The following RUBCN variants were observed in gnomAD, a reference collection of about 807,000 sequenced individuals.
The protein encoded by RUBCN is rubicon autophagy regulator, also known as run domain Beclin-1-interacting and cysteine-rich domain-containing protein.
A neutral mutation model predicts 113.2 loss-of-function variants in RUBCN; 74 were observed. The observed-to-expected ratio is 0.65, with a 90% CI of 0.54 to 0.79. The LOEUF (loss-of-function observed/expected upper bound fraction) is 0.79, where lower values mean the gene tolerates loss of function less well. Among genes scored for constraint, RUBCN ranks in the 30% least tolerant of loss-of-function variants. RUBCN has a pLI of 0.00. For synonymous variants in RUBCN, 480 were observed against 490.0 expected (o/e 0.98, Z 0.27); for missense variants, 1,109 against 1,251.7 (o/e 0.89, Z 1.72).
In RUBCN at chr3:197,674,848, GGCTGACTGC is replaced by G; in HGVS notation, c.*161_*169del. The G allele has an allele frequency of 3.4e-6, 2 of 593,606 alleles. No homozygotes were observed. The highest frequency in any genetic ancestry group is 5.6e-6 in the Non-Finnish European group (2 of 354,416). The allele number at this position is 593,606 out of a possible 1,614,324, so 36.8% of individuals were successfully genotyped here. A position where few individuals can be genotyped will look rare whatever the true frequency, so the allele number is the denominator to read the frequency against. On this transcript the variant is annotated 3_prime_UTR_variant, in exon 20 of 20. Coordinates refer to ENST00000296343, the MANE Select transcript of RUBCN (RefSeq NM_014687.4). ...ACTCTGGACCCATCAACCTGCCGAC[GGCTGACTGC>G]ACACAGACGTCAGACAAGTCAGTAA... is the stretch of plus-strand genomic sequence containing the variant.
rs117384535 is a variant in RUBCN at position 197,708,892 on chromosome 3, G to A, written c.220-3717C>T. Among the ~76,000 whole-genome samples, 14 of 152,200 alleles carry A rather than the reference G, an allele frequency of 9.2e-5. 1 individual carries two copies. In the East Asian group the frequency reaches 2.7e-3, roughly 29 times the overall value. On this transcript the variant is annotated intron_variant, in intron 2 of 19. Transcript: ENST00000296343. ...ATAAAGAGTTGATACTGAATTAGGT[G>A]GAGGCAAGACAATTTTCAGAAGTTA... is the stretch of plus-strand genomic sequence containing the variant.
chr3:197,703,903 G>A, intron 4 of RUBCN, among the ~76,000 whole-genome samples: 1 of 152,130 alleles, frequency 6.6e-6, no homozygotes. Context: ...TAACCTCCTG[G>A]AGCCCTGTGG....
chr3:197,677,563 C>A (rs1720586845), intron 16 of RUBCN, 22 bp from the exon 17 acceptor site: 1 of 1,611,770 alleles, frequency 6.2e-7, no homozygotes, highest in African/African-American at 1.3e-5. Flanking sequence ...GAGAGGGGGG[C>A]AGGAGTGGGA....
In RUBCN at chr3:197,697,618, AGAAG is replaced by A. The variant is rs375002541; in HGVS notation, c.1262-573_1262-570del. Among the ~76,000 whole-genome samples the A allele has an allele frequency of 1.1e-3, 161 of 152,302 alleles. 1 individual carries two copies. Among genetic ancestry groups the A allele is most frequent in the African/African-American group, 3.6e-3 (150 of 41,582 alleles). On this transcript the variant is annotated intron_variant, in intron 7 of 19. Transcript: ENST00000296343. ...ACGGGGCTCGGCCCGGCCTTACTGA[AGAAG>A]GGAGGGAGGGAAGGCTGGCGAGACA...
At chr3:197,717,596 G>GT (rs1725691370) in intron 2 of RUBCN, among the ~76,000 whole-genome samples, 1 of 152,206 alleles carries the variant, frequency 6.6e-6, no homozygotes, top group South Asian at 2.1e-4. Flanking sequence ...TCCAGAGGGT[G>GT]TGTGGCCCTG....
intron 2 of RUBCN, among the ~76,000 whole-genome samples, chr3:197,707,426 GA>G (rs142893067): frequency 0.11 from 17,187 of 151,564 alleles, 1,202 homozygotes; most frequent in African/African-American, 0.18. Flanking sequence ...TTTTGTTTGG[GA>G]AAAAAAATGG....
intron 1 of RUBCN, among the ~76,000 whole-genome samples, chr3:197,745,612 T>C (rs1363333781): frequency 2.8e-5 from 4 of 142,994 alleles, no homozygotes; most frequent in Admixed American, 1.4e-4. Flanking sequence ...TGAAAATCCA[T>C]CTCAAAAAAA....
intron 18 of RUBCN, chr3:197,676,250 CTG>C: frequency 2.0e-6 from 2 of 991,718 alleles, no homozygotes; most frequent in Non-Finnish European, 2.4e-6. Flanking sequence ...GTCATAATGA[CTG>C]AGAACAACAA....
At chr3:197,680,981 G>T in intron 16 of RUBCN, 148 bp downstream of exon 16, 1 of 614,868 alleles carries the variant, frequency 1.6e-6, no homozygotes, top group Admixed American at 2.2e-5. Context: ...TATAACCAGG[G>T]GAGGGGACAA....
chr3:197,699,146 C>T, intron 7 of RUBCN: 1 of 1,454,128 alleles, frequency 6.9e-7, no homozygotes, highest in Non-Finnish European at 9.4e-7. Context: ...AAGGTGGTCA[C>T]AAAACAGAAC....
At chr3:197,694,731 G>C in intron 9 of RUBCN, 146 bp from the exon 10 acceptor site, 1 of 746,982 alleles carries the variant, frequency 1.3e-6, no homozygotes, top group South Asian at 1.5e-5. Context: ...TACGAGGAAA[G>C]CTGATGGCTG....
At chr3:197,699,307 T>C (rs1723375204) in intron 7 of RUBCN, 2 of 1,106,868 alleles carry the variant, frequency 1.8e-6, no homozygotes, top group Admixed American at 4.2e-5. Flanking sequence ...AAAAGTGTCC[T>C]AAATTTTACC....
chr3:197,670,111 T>A lies in RUBCN; in HGVS notation c.*4907A>T, dbSNP rs1433789218. On this transcript the variant is annotated 3_prime_UTR_variant, in exon 20 of 20. Coordinates refer to ENST00000296343, the MANE Select transcript of RUBCN (RefSeq NM_014687.4). ...ACCATGTTGGCCAGGATGGTCCCAATCTCTTGACCTCGTGATCCGCCCGCC... is the reference window on the plus strand; with the variant it reads ...ACCATGTTGGCCAGGATGGTCCCAAACTCTTGACCTCGTGATCCGCCCGCC... Among the ~76,000 whole-genome samples, 1 of 152,114 alleles carries A rather than the reference T, an allele frequency of 6.6e-6. No individual in the cohort carries two copies.
At chr3:197,742,360 G>A (rs1288881361) in intron 1 of RUBCN, among the ~76,000 whole-genome samples, 1 of 152,026 alleles carries the variant, frequency 6.6e-6, no homozygotes, top group Non-Finnish European at 1.5e-5. Flanking sequence ...GGGCTTGGTG[G>A]CGGACGCCTG....
At position 197,671,026 on chromosome 3, in the gene RUBCN, G is replaced by GT. The variant is rs1171176421; in HGVS notation, c.*3991dup. ...GCTGGTGCTTTTTTTGTTTTGTTTTGTTTTTTTGAGACAGGGTCTCGCTCT... is the reference window on the plus strand; with the variant it reads ...GCTGGTGCTTTTTTTGTTTTGTTTTGTTTTTTTTGAGACAGGGTCTCGCTCT... On this transcript the variant is annotated 3_prime_UTR_variant, in exon 20 of 20. Coordinates refer to ENST00000296343, the MANE Select transcript of RUBCN (RefSeq NM_014687.4). 1.3e-5 allele frequency among the ~76,000 whole-genome samples: 2 copies of GT among 152,040 alleles called. No individual in the cohort carries two copies. The highest frequency in any genetic ancestry group is 2.9e-5 in the Non-Finnish European group (2 of 67,962).
chr3:197,714,656 G>A (rs1465678905), intron 2 of RUBCN, among the ~76,000 whole-genome samples: 1 of 152,154 alleles, frequency 6.6e-6, no homozygotes, highest in Admixed American at 6.5e-5. Flanking sequence ...ATACCAATTA[G>A]TTGATTAGCT....
intron 2 of RUBCN, among the ~76,000 whole-genome samples, chr3:197,710,817 T>C (rs920138636): frequency 2.0e-5 from 3 of 151,994 alleles, no homozygotes; most frequent in Non-Finnish European, 4.4e-5. Context: ...AGAAGTGTAA[T>C]CTTTTACTTT....
chr3:197,708,587 T>C (rs972340377), intron 2 of RUBCN, among the ~76,000 whole-genome samples: 2 of 148,098 alleles, frequency 1.4e-5, no homozygotes, highest in African/African-American at 4.9e-5. Context: ...AGCAATGCTA[T>C]ATTCTTTGCT....
At chr3:197,687,757 C>T (rs1722009928) in intron 11 of RUBCN, among the ~76,000 whole-genome samples, 1 of 152,212 alleles carries the variant, frequency 6.6e-6, no homozygotes, top group African/African-American at 2.4e-5. Context: ...CCCTTGGGTT[C>T]TGAGATAGCA....
Sources: gnomAD v4.1 joint callset for allele counts (sites outside exome capture counted in the v4.1 genomes callset) on GRCh38, gnomAD v4.1.1 for gene constraint, MANE v1.5 for transcripts, NCBI Gene and HGNC (gene_info 2026-07-23, HGNC 2026-07-21) for gene names.